CALD1: variants seen among roughly 807,000 people sequenced by gnomAD.
The protein encoded by CALD1 is caldesmon 1.
A neutral mutation model predicts 99.9 loss-of-function variants in CALD1; 33 were observed. The ratio of observed to expected loss-of-function variants is 0.33; its 90% CI spans 0.25 to 0.44. CALD1 has a LOEUF of 0.44. Ranked by LOEUF, CALD1 falls within the 20% of genes least tolerant of loss-of-function variation. The probability of loss-of-function intolerance (pLI) is 1.00; values close to 1 mark genes in which losing one functional copy is unlikely to be tolerated. For missense variants in CALD1, 861 were observed against 962.1 expected, an observed-to-expected ratio of 0.89 and a Z score of 1.39; for synonymous variants, 310 against 325.0, an observed-to-expected ratio of 0.95 and a Z score of 0.50.
At chr7:134,859,516 T>C (rs1427139186) in intron 2 of CALD1, among the ~76,000 whole-genome samples, 1 of 152,194 alleles carries the variant, frequency 6.6e-6, no homozygotes, top group Non-Finnish European at 1.5e-5. Flanking sequence ...ACAGAAGAAG[T>C]CGTGTCCCAA....
intron 3 of CALD1, among the ~76,000 whole-genome samples, chr7:134,895,744 G>A (rs1802528302): frequency 6.6e-6 from 1 of 152,168 alleles, no homozygotes; most frequent in African/African-American, 2.4e-5. Flanking sequence ...AGGCCAAAGT[G>A]TTAAATATAG....
Position 134,797,145 on chromosome 7 carries a change from A to T in CALD1, c.-130+17396A>T, listed in dbSNP as rs562429475. On this transcript the variant is annotated intron_variant, in intron 1 of 14. Transcript: ENST00000361675. ...GTAGCTGGGGCTACCACACTTGGCT[A>T]GTTTAAAAACTTTATTTTTTGTAGA... 1.1e-4 allele frequency among the ~76,000 whole-genome samples: 16 copies of T among 152,176 alleles called. No homozygotes were observed. The South Asian group carries it at 2.5e-3, about 24-fold the overall frequency.
intron 6 of CALD1, 83 bp downstream of exon 6, chr7:134,935,848 A>C: frequency 2.9e-6 from 4 of 1,375,040 alleles, no homozygotes; most frequent in Non-Finnish European, 3.0e-6. Context: ...TGATGATCTC[A>C]AAATTGTAAC....
At chr7:134,884,997 G>A (rs545473087) in intron 3 of CALD1, among the ~76,000 whole-genome samples, 29 of 152,216 alleles carry the variant, frequency 1.9e-4, no homozygotes, top group African/African-American at 7.0e-4. Context: ...AGAGTACACT[G>A]GTGTGATCTC....
In CALD1 at chr7:134,862,481, C is replaced by G. The variant is rs143379323; in HGVS notation, c.-41-5212C>G. Reference sequence around the variant, plus strand: ...CCAATCAGAAAAGGCTACAGACATACTGTATGATTCCAACTATATGATATT... The same window carrying G: ...CCAATCAGAAAAGGCTACAGACATAGTGTATGATTCCAACTATATGATATT... On this transcript the variant is annotated intron_variant, in intron 2 of 14. Transcript: ENST00000361675. Among the ~76,000 whole-genome samples the G allele has an allele frequency of 1.4e-3, 216 of 152,258 alleles. 2 individuals carry two copies. The highest frequency in any genetic ancestry group is 5.0e-3 in the African/African-American group (206 of 41,544).
chr7:134,917,925 A>C (rs752848578), intron 3 of CALD1, among the ~76,000 whole-genome samples: 1 of 152,204 alleles, frequency 6.6e-6, no homozygotes, highest in Non-Finnish European at 1.5e-5. Flanking sequence ...GGAGCAATAG[A>C]TATCTTCTCC....
At chr7:134,910,793 G>C (rs986816396) in intron 3 of CALD1, among the ~76,000 whole-genome samples, 1 of 152,094 alleles carries the variant, frequency 6.6e-6, no homozygotes, top group East Asian at 1.9e-4. Context: ...ATAATCACTT[G>C]GTCTTCTTAG....
chr7:134,792,372 C>T (rs1797573882), intron 1 of CALD1, among the ~76,000 whole-genome samples: 1 of 151,318 alleles, frequency 6.6e-6, no homozygotes, highest in Admixed American at 6.6e-5. Flanking sequence ...TCACTGCAAC[C>T]TCCATCTCCC....
At chr7:134,742,631 G>A (rs1168262952), upstream of CALD1, among the ~76,000 whole-genome samples, 1 of 152,206 alleles carries the variant, frequency 6.6e-6, no homozygotes, top group Non-Finnish European at 1.5e-5. Context: ...ACTTGTCACC[G>A]CAGGCAGCCC....
At chr7:134,741,061 C>G (rs999452689), upstream of CALD1, among the ~76,000 whole-genome samples, 12 of 152,158 alleles carry the variant, frequency 7.9e-5, no homozygotes, top group African/African-American at 2.9e-4. Flanking sequence ...GTCATTTGGA[C>G]TCTAGGACTG....
the CALD1 span, among the ~76,000 whole-genome samples, chr7:134,719,742 C>A: frequency 0.064 from 9,668 of 152,126 alleles, 435 homozygotes; most frequent in East Asian, 0.14. Flanking sequence ...TTTTAAGGAC[C>A]CCAATCTGGT....
chr7:134,828,841 T>C (rs1236034133), intron 1 of CALD1, among the ~76,000 whole-genome samples: 1 of 152,224 alleles, frequency 6.6e-6, no homozygotes, highest in Non-Finnish European at 1.5e-5. Flanking sequence ...TCATTTAGAT[T>C]TATCATATTC....
intron 1 of CALD1, among the ~76,000 whole-genome samples, chr7:134,745,216 A>T (rs150244659): frequency 4.9e-4 from 75 of 152,370 alleles, no homozygotes; most frequent in African/African-American, 1.7e-3. Flanking sequence ...AAAGTTAATC[A>T]AATAAATACC....
Position 134,947,523 on chromosome 7 carries a change from G to T in CALD1, c.1548G>T (p.Arg516Ser). The T allele has an allele frequency of 6.4e-7, 1 of 1,568,594 alleles. No individual in the cohort carries two copies. Among genetic ancestry groups the T allele is most frequent in the Non-Finnish European group, 8.6e-7 (1 of 1,156,514 alleles). ...CCAACCACAGCCGCCCTGGAGGGAGGGCCAGCGTGGACACCAAGGAGGCTG... is the reference window on the plus strand; with the variant it reads ...CCAACCACAGCCGCCCTGGAGGGAGTGCCAGCGTGGACACCAAGGAGGCTG... Reference protein sequence around the residue: ...TENTFSRPGGRASVDTKEAEG... With the variant: ...TENTFSRPGGSASVDTKEAEG... The change falls in exon 8 of 15, where the codon AGG (arginine) becomes AGT (serine). Residue 516 changes from arginine to serine, a missense_variant. Arg to Ser is a moderately radical substitution (Grantham distance 110, BLOSUM62 -1). Transcript: ENST00000361675.
intron 1 of CALD1, among the ~76,000 whole-genome samples, chr7:134,817,059 G>A (rs1798590623): frequency 6.6e-6 from 1 of 152,160 alleles, no homozygotes; most frequent in Non-Finnish European, 1.5e-5. Flanking sequence ...CTAGGATGTT[G>A]TTACTGCTTC....
rs11981459 is a variant in CALD1 at position 134,929,646 on chromosome 7, G to A, written c.218+746G>A. Among the ~76,000 whole-genome samples, 64 of 7,796 alleles carry A rather than the reference G, an allele frequency of 8.2e-3. 3 individuals are homozygous for A. Among genetic ancestry groups the A allele is most frequent in the Non-Finnish European group, 0.015 (46 of 3,172 alleles). 5.1% of individuals were successfully genotyped at this position (7,796 alleles called of 152,430 possible). A position where few individuals can be genotyped will look rare whatever the true frequency, so the allele number is the denominator to read the frequency against. ...CGTGTGTGTGTGTGTGTGTGTGTGT[G>A]TATATATATATATATATATATATAC... On this transcript the variant is annotated intron_variant, in intron 4 of 14. Transcript: ENST00000361675.
At chr7:134,843,541 C>T (rs1799734293) in intron 1 of CALD1, among the ~76,000 whole-genome samples, 2 of 152,176 alleles carry the variant, frequency 1.3e-5, no homozygotes, top group African/African-American at 2.4e-5. Flanking sequence ...CATTTTCTTC[C>T]TTCAGTTTCC....
chr7:134,766,289 C>G (rs764791559), intron 1 of CALD1, among the ~76,000 whole-genome samples: 2 of 151,338 alleles, frequency 1.3e-5, no homozygotes, highest in Non-Finnish European at 2.9e-5. Flanking sequence ...GTAGCTGGGA[C>G]TACAGGCCAC....
intron 3 of CALD1, 105 bp downstream of exon 3, chr7:134,867,909 C>A: frequency 1.9e-6 from 1 of 529,608 alleles, no homozygotes; most frequent in Non-Finnish European, 3.3e-6. Flanking sequence ...ATATCGCACA[C>A]CAAACTGTTC....
Sources: allele counts gnomAD v4.1 joint callset (sites outside exome capture counted in the v4.1 genomes callset), GRCh38; gene constraint gnomAD v4.1.1; transcripts MANE v1.5; gene names NCBI Gene and HGNC (gene_info 2026-07-23, HGNC 2026-07-21).